Variants in ARHGAP15 observed in about 807,000 individuals in gnomAD.
The protein encoded by ARHGAP15 is rho GTPase-activating protein 15.
Under a neutral mutation model 63.7 loss-of-function variants are expected in ARHGAP15, and 51 were observed. The ratio of observed to expected loss-of-function variants is 0.80; its 90% CI spans 0.64 to 1.01. ARHGAP15 has a LOEUF of 1.01. ARHGAP15 is among the 50% of genes least tolerant of loss of function. ARHGAP15 has a pLI of 0.00. For synonymous variants in ARHGAP15, 191 were observed against 193.8 expected, an observed-to-expected ratio of 0.99 and a Z score of 0.12; for missense variants, 560 against 564.6, an observed-to-expected ratio of 0.99 and a Z score of 0.08.
At chr2:143,531,209 G>A (rs1694512866) in intron 10 of ARHGAP15, among the ~76,000 whole-genome samples, 1 of 152,072 alleles carries the variant, frequency 6.6e-6, no homozygotes, top group Non-Finnish European at 1.5e-5. Context: ...ATGAATATAT[G>A]AAAAGCATAT....
At position 143,354,143 on chromosome 2, in the gene ARHGAP15, C is replaced by A. The variant is rs565870426; in HGVS notation, c.475-81458C>A. Reference sequence around the variant, plus strand: ...ATAGTTTAGAATGAGAAATTCACATCATCTCCAAGTCTCTTCACACTTTCA... The same window carrying A: ...ATAGTTTAGAATGAGAAATTCACATAATCTCCAAGTCTCTTCACACTTTCA... On this transcript the variant is annotated intron_variant, in intron 6 of 13. Coordinates refer to ENST00000295095, the MANE Select transcript of ARHGAP15 (RefSeq NM_018460.4). 5.9e-5 allele frequency among the ~76,000 whole-genome samples: 9 copies of A among 152,270 alleles called. No homozygotes were observed. The South Asian group carries it at 1.9e-3, about 32-fold the overall frequency.
At chr2:143,166,401 CTATT>C (rs1300412386) in intron 2 of ARHGAP15, among the ~76,000 whole-genome samples, 5 of 152,056 alleles carry the variant, frequency 3.3e-5, no homozygotes, top group Admixed American at 2.0e-4. Context: ...TTCATTTCAT[CTATT>C]TATTTATTTA....
At chr2:143,666,605 A>G (rs944621679) in intron 12 of ARHGAP15, among the ~76,000 whole-genome samples, 1 of 125,168 alleles carries the variant, frequency 8.0e-6, no homozygotes, top group Non-Finnish European at 1.8e-5. Flanking sequence ...TGCACAGCAA[A>G]AGAAACTACC....
rs115827876 is a variant in ARHGAP15, at chr2:143,670,485, G to A, written c.1139-32934G>A. Among the ~76,000 whole-genome samples, 670 of 152,200 alleles carry A rather than the reference G, an allele frequency of 4.4e-3. 2 individuals carry two copies. Among genetic ancestry groups the A allele is most frequent in the African/African-American group, 0.015 (622 of 41,528 alleles). On this transcript the variant is annotated intron_variant, in intron 12 of 13. Coordinates refer to ENST00000295095, the MANE Select transcript of ARHGAP15 (RefSeq NM_018460.4). ...CTACCTAAGTGCACTCTGCCCACCC[G>A]TGCCAATTCTTCACAGCAGCATACC...
intron 6 of ARHGAP15, among the ~76,000 whole-genome samples, chr2:143,258,919 T>G (rs1026520148): frequency 6.6e-6 from 1 of 152,096 alleles, no homozygotes; most frequent in African/African-American, 2.4e-5. Context: ...CTAAAAAAAT[T>G]ACAGTGGCAA....
chr2:143,654,684 G>A (rs778678024), intron 12 of ARHGAP15, among the ~76,000 whole-genome samples: 17 of 152,120 alleles, frequency 1.1e-4, no homozygotes, highest in Admixed American at 8.5e-4. Context: ...TAGTGTCACC[G>A]TTTTGAACTG....
At chr2:143,182,365 G>A (rs1691273044) in intron 2 of ARHGAP15, among the ~76,000 whole-genome samples, 1 of 152,070 alleles carries the variant, frequency 6.6e-6, no homozygotes, top group Non-Finnish European at 1.5e-5. Flanking sequence ...AAAGAGACAG[G>A]GGAACTGCCA....
At chr2:143,633,630 C>T (rs1341843544) in intron 12 of ARHGAP15, among the ~76,000 whole-genome samples, 6 of 152,136 alleles carry the variant, frequency 3.9e-5, no homozygotes, top group African/African-American at 9.7e-5. Context: ...CTTCATGAGT[C>T]AGCTTCCCTA....
intron 4 of ARHGAP15, among the ~76,000 whole-genome samples, chr2:143,226,436 G>C (rs565045054): frequency 1.3e-5 from 2 of 152,174 alleles, no homozygotes; most frequent in African/African-American, 4.8e-5. Flanking sequence ...GTGTGTGAGG[G>C]TGTTCTGTAC....
rs934051383 is a variant in ARHGAP15, at chr2:143,204,960, C to G, written c.234+2758C>G. On this transcript the variant is annotated intron_variant, in intron 3 of 13. Coordinates refer to ENST00000295095, the MANE Select transcript of ARHGAP15 (RefSeq NM_018460.4). ...TCTTAAAAAAAAAATGAAACAAAAA[C>G]AAACAAACAAAACCCATAGTGGCCA... Among the ~76,000 whole-genome samples, 38 of 151,370 alleles carry G rather than the reference C, an allele frequency of 2.5e-4. 1 individual carries two copies. Among genetic ancestry groups the G allele is most frequent in the African/African-American group, 9.0e-4 (37 of 41,162 alleles).
Position 143,529,836 on chromosome 2 carries a change from A to C in ARHGAP15, c.925+10472A>C, listed in dbSNP as rs533475751. Among the ~76,000 whole-genome samples, 27 of 152,288 alleles carry C rather than the reference A, an allele frequency of 1.8e-4. No homozygotes were observed. The South Asian group carries it at 3.7e-3, about 21-fold the overall frequency. ...TTAGCCCCTTCCTCCACAATATTCC[A>C]GTGACAGCTTTGCTTTTCCTAATAG... On this transcript the variant is annotated intron_variant, in intron 10 of 13. Transcript: ENST00000295095.
intron 3 of ARHGAP15, among the ~76,000 whole-genome samples, chr2:143,212,992 G>A (rs1336373701): frequency 6.6e-6 from 1 of 152,164 alleles, no homozygotes; most frequent in Non-Finnish European, 1.5e-5. Flanking sequence ...AAGATGGCCT[G>A]AGTCTGTGAG....
intron 11 of ARHGAP15, among the ~76,000 whole-genome samples, chr2:143,596,535 G>T (rs1250560587): frequency 6.6e-6 from 1 of 151,830 alleles, no homozygotes; most frequent in East Asian, 1.9e-4. Context: ...ACTTCAAATT[G>T]GTTTTAAATT....
chr2:143,567,786 C>T (rs1161605462), intron 11 of ARHGAP15, among the ~76,000 whole-genome samples: 4 of 152,186 alleles, frequency 2.6e-5, no homozygotes, highest in East Asian at 1.9e-4. Context: ...CCCCATATCT[C>T]GCTGTACCTC....
chr2:143,152,832 A>C (rs997309082), intron 1 of ARHGAP15, among the ~76,000 whole-genome samples: 1 of 151,976 alleles, frequency 6.6e-6, no homozygotes, highest in African/African-American at 2.4e-5. Context: ...ATGTAACAAC[A>C]GGGTGAGATG....
rs1693580127 is a variant in ARHGAP15 at position 143,511,363 on chromosome 2, G to A, written c.827-7903G>A. Among the ~76,000 whole-genome samples the A allele has an allele frequency of 2.6e-5, 4 of 152,250 alleles. No homozygotes were observed. The South Asian group carries it at 8.3e-4, about 32-fold the overall frequency. On this transcript the variant is annotated intron_variant, in intron 9 of 13. Transcript: ENST00000295095. ...CCTGATCATTAAGTGCTGAAACGGT[G>A]GGATGAAGATAGAATGATCACACTG...
chr2:143,316,781 A>G (rs1478068565), intron 6 of ARHGAP15, among the ~76,000 whole-genome samples: 1 of 151,858 alleles, frequency 6.6e-6, no homozygotes, highest in African/African-American at 2.4e-5. Context: ...AAATGTAGCT[A>G]GAATCTCACC....
At chr2:143,292,888 C>T (rs1339473594) in intron 6 of ARHGAP15, among the ~76,000 whole-genome samples, 4 of 151,898 alleles carry the variant, frequency 2.6e-5, no homozygotes, top group Non-Finnish European at 4.4e-5. Context: ...AAATATATAT[C>T]GACCTCATTA....
chr2:143,723,180 T>C (rs1179926068), intron 13 of ARHGAP15, among the ~76,000 whole-genome samples: 2 of 152,256 alleles, frequency 1.3e-5, no homozygotes, highest in African/African-American at 4.8e-5. Flanking sequence ...GGCTATACCA[T>C]CTAGGCTTGT....
Sources: gnomAD v4.1 joint callset for allele counts (sites outside exome capture counted in the v4.1 genomes callset) on GRCh38, gnomAD v4.1.1 for gene constraint, MANE v1.5 for transcripts, NCBI Gene and HGNC (gene_info 2026-07-23, HGNC 2026-07-21) for gene names.